The following USP42 variants were observed in gnomAD, a reference collection of about 807,000 sequenced individuals.
The protein encoded by USP42 is ubiquitin carboxyl-terminal hydrolase 42.
Under a neutral mutation model 113.0 loss-of-function variants are expected in USP42, and 23 were observed. That is an observed-to-expected ratio of 0.20 (90% CI 0.15 to 0.29). USP42 has a LOEUF of 0.29. Ranked by LOEUF, USP42 falls within the 10% of genes least tolerant of loss-of-function variation. The probability of loss-of-function intolerance (pLI) is 1.00; values close to 1 mark genes in which losing one functional copy is unlikely to be tolerated. For synonymous variants in USP42, 933 were observed against 699.0 expected, an observed-to-expected ratio of 1.33 and a Z score of -5.28; for missense variants, 2,174 against 1,779.8, an observed-to-expected ratio of 1.22 and a Z score of -3.99.
upstream of USP42, among the ~76,000 whole-genome samples, chr7:6,103,117 G>A (rs1233537228): frequency 6.6e-6 from 1 of 151,064 alleles, no homozygotes; most frequent in Non-Finnish European, 1.5e-5. Context: ...TCATGGTGGA[G>A]GGGAGATGCA....
chr7:6,145,458 A>T (rs573840712), intron 9 of USP42, 58 bp from the exon 10 acceptor site: 1 of 1,607,508 alleles, frequency 6.2e-7, no homozygotes, highest in Admixed American at 1.7e-5. Context: ...CCTCTACCTG[A>T]ATATGTGGAA....
At chr7:6,095,810 C>T in the USP42 span, among the ~76,000 whole-genome samples, 23 of 151,012 alleles carry the variant, frequency 1.5e-4, no homozygotes, top group Non-Finnish European at 2.9e-4. Flanking sequence ...CACTGTTACC[C>T]GGGCTGCAGT....
chr7:6,133,556 C>G (rs1000664802), intron 3 of USP42, among the ~76,000 whole-genome samples: 1 of 152,096 alleles, frequency 6.6e-6, no homozygotes, highest in Non-Finnish European at 1.5e-5. Flanking sequence ...ACTCTGTCAC[C>G]CAGGCTGGAG....
At chr7:6,150,695 C>T (rs1781993622) in intron 14 of USP42, among the ~76,000 whole-genome samples, 189 bp downstream of exon 14, 1 of 152,198 alleles carries the variant, frequency 6.6e-6, no homozygotes, top group African/African-American at 2.4e-5. Context: ...ATGTGGCATA[C>T]AGGACTGAGT....
rs1451603937 is a variant in USP42, at chr7:6,154,772, A to G, written c.3218A>G (p.Asp1073Gly). The change falls in exon 15 of 18, where the codon GAC (aspartate) becomes GGC (glycine). Residue 1073 changes from aspartate to glycine, a missense_variant. Asp to Gly is a moderately conservative substitution (Grantham distance 94). Coordinates refer to ENST00000306177, the MANE Select transcript of USP42 (RefSeq NM_032172.3). Reference protein sequence around the residue: ...HDRYALYAARDWKPFHGGREH... With the variant: ...HDRYALYAARGWKPFHGGREH... Reference sequence around the variant, plus strand: ...AGGTACGCCCTGTACGCTGCCCGGGACTGGAAGCCCTTCCACGGCGGCCGC... The same window carrying G: ...AGGTACGCCCTGTACGCTGCCCGGGGCTGGAAGCCCTTCCACGGCGGCCGC... 6.4e-7 allele frequency: 1 copy of G among 1,554,230 alleles called. No homozygotes were observed. Among genetic ancestry groups the G allele is most frequent in the Non-Finnish European group, 8.7e-7 (1 of 1,150,218 alleles).
At chr7:6,095,510 A>G in the USP42 span, among the ~76,000 whole-genome samples, 1 of 151,150 alleles carries the variant, frequency 6.6e-6, no homozygotes, top group Non-Finnish European at 1.5e-5. Flanking sequence ...TCTACTAAAA[A>G]TACAAAAAAT....
the USP42 span, among the ~76,000 whole-genome samples, chr7:6,092,005 C>CTTCTTCTTCTTCTTCTTCTTCTT: frequency 2.4e-5 from 2 of 82,196 alleles, no homozygotes; most frequent in African/African-American, 8.5e-5. Flanking sequence ...TCTTCTTCTT[C>CTTCTTCTTCTTCTTCTTCTTCTT]TTCTTCTTCT....
chr7:6,115,666 G>C (rs1779872055), intron 3 of USP42, 143 bp downstream of exon 3: 5 of 1,012,354 alleles, frequency 4.9e-6, no homozygotes, highest in Non-Finnish European at 7.2e-6. Context: ...CAAGGAGGAG[G>C]ACTCAGGATT....
At chr7:6,106,972 T>G (rs1055005243) in intron 1 of USP42, among the ~76,000 whole-genome samples, 7 of 152,248 alleles carry the variant, frequency 4.6e-5, no homozygotes, top group Admixed American at 2.0e-4. Flanking sequence ...TTACTGAAAG[T>G]GAGGAACATG....
chr7:6,095,766 G>A, the USP42 span, among the ~76,000 whole-genome samples: 1 of 150,852 alleles, frequency 6.6e-6, no homozygotes, highest in Non-Finnish European at 1.5e-5. Flanking sequence ...TTTACTGGAT[G>A]GGTATTTCGA....
chr7:6,141,688 A>C (rs766881102), intron 7 of USP42, among the ~76,000 whole-genome samples: 2 of 151,938 alleles, frequency 1.3e-5, no homozygotes, highest in Non-Finnish European at 2.9e-5. Context: ...CCTCCCTAGT[A>C]GCTGGGACTA....
rs539547876 is a variant in USP42, at chr7:6,134,359, G to A, written c.443-1482G>A. On this transcript the variant is annotated intron_variant, in intron 3 of 17. Coordinates refer to ENST00000306177, the MANE Select transcript of USP42 (RefSeq NM_032172.3). ...TTACCGGTCATTTCTGCATCTTTGC[G>A]TGCCTTGTACTGTTTGATTGGATGC... Among the ~76,000 whole-genome samples the A allele has an allele frequency of 5.1e-4, 78 of 152,026 alleles. 1 individual carries two copies. Among genetic ancestry groups the A allele is most frequent in the African/African-American group, 1.7e-3 (72 of 41,466 alleles).
intron 1 of USP42, among the ~76,000 whole-genome samples, chr7:6,107,008 A>G (rs1372046759): frequency 2.0e-5 from 3 of 152,264 alleles, no homozygotes; most frequent in Non-Finnish European, 2.9e-5. Flanking sequence ...TAAGTCCTAC[A>G]TAACATTGTT....
In USP42 at chr7:6,135,387, C is replaced by G. The variant is rs532908313; in HGVS notation, c.443-454C>G. Among the ~76,000 whole-genome samples the G allele has an allele frequency of 3.3e-5, 5 of 152,092 alleles. No individual in the cohort carries two copies. In the East Asian group the frequency reaches 9.7e-4, roughly 29 times the overall value. ...AATGAGGCTGGGGTGGTGGCTTACACCTATAATCCCAGCACTTTGGGAGGC... is the reference window on the plus strand; with the variant it reads ...AATGAGGCTGGGGTGGTGGCTTACAGCTATAATCCCAGCACTTTGGGAGGC... On this transcript the variant is annotated intron_variant, in intron 3 of 17. Coordinates refer to ENST00000306177, the MANE Select transcript of USP42 (RefSeq NM_032172.3).
rs777836548 is a variant in USP42 at position 6,154,664 on chromosome 7, A to C, written c.3110A>C (p.Tyr1037Ser). Reference sequence around the variant, plus strand: ...GAGCTGGACTGGGTCAGACACCACTACACCGAGGGCGAGCGTGGCTGGGGC... The same window carrying C: ...GAGCTGGACTGGGTCAGACACCACTCCACCGAGGGCGAGCGTGGCTGGGGC... ...GVELDWVRHH[Y>S]TEGERGWGRE... Residue 1037 changes from tyrosine to serine, a missense_variant, in exon 15 of 18, where the codon TAC becomes TCC. Transcript: ENST00000306177. 6.2e-7 allele frequency: 1 copy of C among 1,605,988 alleles called. No individual in the cohort carries two copies. Among genetic ancestry groups the C allele is most frequent in the African/African-American group, 1.3e-5 (1 of 74,734 alleles).
At chr7:6,087,537 A>G in the USP42 span, among the ~76,000 whole-genome samples, 1 of 149,842 alleles carries the variant, frequency 6.7e-6, no homozygotes, top group African/African-American at 2.5e-5. Flanking sequence ...GGGTCTTGCC[A>G]TGTTGCCCAG....
chr7:6,154,420 C>G lies in USP42; in HGVS notation c.2866C>G (p.Arg956Gly), dbSNP rs779637362. The stretch of plus-strand genomic sequence containing the variant: ...GGTGGACCGAGGCCACTACCGCAGC[C>G]GGAGAGAGCGCTCGTCCAGCGGGGA... ...RKVDRGHYRSRRERSSSGEPA... is the reference protein window; with the variant it reads ...RKVDRGHYRSGRERSSSGEPA... Residue 956 changes from arginine (R) to glycine (G), a missense_variant, in exon 15 of 18, where the codon CGG becomes GGG. Arg to Gly is a moderately radical substitution (Grantham distance 125). Coordinates refer to ENST00000306177, the MANE Select transcript of USP42 (RefSeq NM_032172.3). 6.3e-7 allele frequency: 1 copy of G among 1,575,388 alleles called. No homozygotes were observed. The highest frequency in any genetic ancestry group is 2.4e-5 in the East Asian group (1 of 42,384).
chr7:6,145,711 A>G (rs1419393658), intron 10 of USP42, 55 bp downstream of exon 10: 1 of 1,555,070 alleles, frequency 6.4e-7, no homozygotes, highest in Non-Finnish European at 8.8e-7. Flanking sequence ...ATAAGACAGC[A>G]GTAGCATTCT....
chr7:6,159,498 GCTGTTTTCCTGT>G lies in USP42; in HGVS notation c.*36+12_*36+23del, dbSNP rs1782652127. On this transcript the variant is annotated splice_donor_region_variant and intron_variant, in intron 17 of 17. Coordinates refer to ENST00000306177, the MANE Select transcript of USP42 (RefSeq NM_032172.3). This position sits in a 1 kb window ranked among gnomAD's most constrained non-coding sequence, Gnocchi z 4.1. ...ACAAAAAATTCACTAGTTATGGTAA[GCTGTTTTCCTGT>G]CTGTTTCCTCATTGTTTGTGGTGGC... 1 of 1,613,342 alleles carries G rather than the reference GCTGTTTTCCTGT, an allele frequency of 6.2e-7. No individual in the cohort carries two copies. The highest frequency in any genetic ancestry group is 8.5e-7 in the Non-Finnish European group (1 of 1,179,334).
Sources: gnomAD v4.1 joint callset for allele counts (sites outside exome capture counted in the v4.1 genomes callset) on GRCh38, gnomAD v4.1.1 for gene constraint, Gnocchi (gnomAD v3.1) non-coding constraint, MANE v1.5 for transcripts, NCBI Gene and HGNC (gene_info 2026-07-23, HGNC 2026-07-21) for gene names.